CAPS2: variants seen among roughly 807,000 people sequenced by gnomAD.
CAPS2 encodes calcyphosine 2.
A neutral mutation model predicts 86.5 loss-of-function variants in CAPS2; 98 were observed. The observed-to-expected ratio is 1.13, with a 90% CI of 0.96 to 1.34. CAPS2 has a LOEUF of 1.34. Among genes scored for constraint, CAPS2 ranks in the 40% most tolerant of loss-of-function variants. CAPS2 has a pLI of 0.00. For synonymous variants in CAPS2, 210 were observed against 225.1 expected (o/e 0.93, Z 0.60); for missense variants, 729 against 686.8 (o/e 1.06, Z -0.69).
At chr12:75,372,076 A>T (rs2044394528) in intron 1 of CAPS2, among the ~76,000 whole-genome samples, 1 of 152,122 alleles carries the variant, frequency 6.6e-6, no homozygotes, top group Non-Finnish European at 1.5e-5. Flanking sequence ...GTGCAGTGGC[A>T]CGATCTTGGC....
rs556534695 is a variant in CAPS2, at chr12:75,361,976, A to G, written c.-395+28862T>C. The stretch of plus-strand genomic sequence containing the variant: ...AAACCTCTACGACCTTTAGATAGCC[A>G]AAGATTTTTAAACTACCACATTAAA... On this transcript the variant is annotated intron_variant, in intron 1 of 5. Transcript: ENST00000551829. Among the ~76,000 whole-genome samples the G allele has an allele frequency of 2.0e-5, 3 of 152,310 alleles. No individual in the cohort carries two copies. The South Asian group carries it at 6.2e-4, about 32-fold the overall frequency.
At chr12:75,314,795 G>A (rs989842796) in intron 6 of CAPS2, among the ~76,000 whole-genome samples, 4 of 152,078 alleles carry the variant, frequency 2.6e-5, no homozygotes, top group South Asian at 4.1e-4. Flanking sequence ...CATCTTCAGT[G>A]TTGAAGCTTG....
intron 1 of CAPS2, among the ~76,000 whole-genome samples, chr12:75,351,549 T>G (rs932009663): frequency 4.5e-4 from 61 of 135,886 alleles, no homozygotes; most frequent in African/African-American, 1.7e-3. Flanking sequence ...TGTTTTGTTT[T>G]GTTTTTTTTT....
intron 6 of CAPS2, 163 bp downstream of exon 6, chr12:75,316,149 A>C (rs1426838966): frequency 5.4e-6 from 5 of 919,764 alleles, no homozygotes; most frequent in Non-Finnish European, 7.9e-6. Context: ...TACCAAATAC[A>C]ATTCAATCAT....
At chr12:75,306,078 C>CT (rs1390620099) in intron 7 of CAPS2, 20 of 1,469,202 alleles carry the variant, frequency 1.4e-5, no homozygotes, top group Non-Finnish European at 1.9e-5. Flanking sequence ...GCTGCGCGTC[C>CT]TGGGGCTGCG....
At chr12:75,309,056 C>T (rs1026007457) in intron 7 of CAPS2, among the ~76,000 whole-genome samples, 2 of 152,076 alleles carry the variant, frequency 1.3e-5, no homozygotes, top group African/African-American at 4.8e-5. Flanking sequence ...ACTTAAGGTT[C>T]ATGCATATGG....
At chr12:75,313,964 G>T (rs2039490704) in intron 6 of CAPS2, among the ~76,000 whole-genome samples, 1 of 152,102 alleles carries the variant, frequency 6.6e-6, no homozygotes, top group Non-Finnish European at 1.5e-5. Flanking sequence ...ATGTTGCCCA[G>T]GCTGGAGTGC....
chr12:75,356,361 T>C (rs567788367), intron 1 of CAPS2, among the ~76,000 whole-genome samples: 1 of 152,294 alleles, frequency 6.6e-6, no homozygotes, highest in South Asian at 2.1e-4. Flanking sequence ...GTTTTCTTAT[T>C]TAATTCTCTT....
At chr12:75,297,669 C>T (rs2037132766) in intron 11 of CAPS2, among the ~76,000 whole-genome samples, 1 of 152,166 alleles carries the variant, frequency 6.6e-6, no homozygotes, top group Admixed American at 6.5e-5. Context: ...TTAGATAACT[C>T]TTTAACATGG....
chr12:75,382,853 C>G (rs1011945756), intron 1 of CAPS2, among the ~76,000 whole-genome samples: 3 of 152,084 alleles, frequency 2.0e-5, no homozygotes, highest in Non-Finnish European at 2.9e-5. Context: ...ATATAAGTAG[C>G]AGAATTTAAA....
intron 1 of CAPS2, among the ~76,000 whole-genome samples, chr12:75,342,705 A>G (rs1179589914): frequency 6.6e-6 from 1 of 152,126 alleles, no homozygotes; most frequent in Non-Finnish European, 1.5e-5. Context: ...TTTGTAATCA[A>G]TTTCCACCCC....
chr12:75,298,075 A>G (rs1166668679), intron 11 of CAPS2: 1 of 152,310 alleles, frequency 6.6e-6, no homozygotes, highest in Admixed American at 6.5e-5. Context: ...GGATAGAAAC[A>G]TATATTACCT....
chr12:75,364,868 G>T (rs2043860932), intron 1 of CAPS2: 1 of 152,052 alleles, frequency 6.6e-6, no homozygotes, highest in Non-Finnish European at 1.5e-5. Context: ...TACCCAGGAG[G>T]CTTTGTCATG....
chr12:75,319,888 AGG>A (rs1221091639), intron 5 of CAPS2, among the ~76,000 whole-genome samples: 1 of 152,198 alleles, frequency 6.6e-6, no homozygotes, highest in Non-Finnish European at 1.5e-5. Context: ...ATTTACTACT[AGG>A]CCATTTATAT....
intron 1 of CAPS2, among the ~76,000 whole-genome samples, chr12:75,351,777 C>T (rs1161044748): frequency 6.6e-6 from 1 of 152,154 alleles, no homozygotes; most frequent in Non-Finnish European, 1.5e-5. Flanking sequence ...GAACTCCTGA[C>T]CTCAGGTGAT....
At chr12:75,334,819 C>G, upstream of CAPS2, 1 of 1,614,068 alleles carries the variant, frequency 6.2e-7, no homozygotes, top group Non-Finnish European at 8.5e-7. Flanking sequence ...CATCACTGAC[C>G]CACACTTTAT....
At chr12:75,383,890 A>G (rs1044701472) in intron 1 of CAPS2, among the ~76,000 whole-genome samples, 2 of 152,198 alleles carry the variant, frequency 1.3e-5, no homozygotes, top group Admixed American at 6.5e-5. Context: ...AAATTCCAAA[A>G]TAAGAGATTA....
At chr12:75,354,817 A>G (rs2043044583) in intron 1 of CAPS2, among the ~76,000 whole-genome samples, 1 of 152,198 alleles carries the variant, frequency 6.6e-6, no homozygotes, top group African/African-American at 2.4e-5. Flanking sequence ...GAACTCAGAA[A>G]TAAGACCGCA....
chr12:75,324,511 G>A (rs539732782), intron 2 of CAPS2, among the ~76,000 whole-genome samples: 1 of 152,144 alleles, frequency 6.6e-6, no homozygotes. Context: ...AACTGACACA[G>A]CCATTGTTAC....
Sources: allele counts gnomAD v4.1 joint callset (sites outside exome capture counted in the v4.1 genomes callset), GRCh38; gene constraint gnomAD v4.1.1; transcripts MANE v1.5; gene names NCBI Gene and HGNC (gene_info 2026-07-23, HGNC 2026-07-21).